The following MNAT1 variants were observed in gnomAD, a reference collection of about 807,000 sequenced individuals.
MNAT1 encodes CDK-activating kinase assembly factor MAT1.
A neutral mutation model predicts 42.0 loss-of-function variants in MNAT1; 43 were observed. That is an observed-to-expected ratio of 1.02 (90% CI 0.80 to 1.32). The LOEUF (loss-of-function observed/expected upper bound fraction) is 1.32. Ranked by LOEUF, MNAT1 falls within the 40% of genes most tolerant of loss-of-function variation. The probability of loss-of-function intolerance (pLI) is 0.00; values close to 1 mark genes in which losing one functional copy is unlikely to be tolerated. For synonymous variants in MNAT1, 118 were observed against 120.0 expected (o/e 0.98, Z 0.11); for missense variants, 306 against 350.4 (o/e 0.87, Z 1.01).
chr14:60,764,268 G>C (rs925990101), intron 1 of MNAT1, among the ~76,000 whole-genome samples: 2 of 152,124 alleles, frequency 1.3e-5, no homozygotes, highest in Admixed American at 1.3e-4. Context: ...AAAATAAAAG[G>C]GGTTATATAC....
intron 5 of MNAT1, among the ~76,000 whole-genome samples, chr14:60,815,405 T>A (rs1007184281): frequency 6.6e-6 from 1 of 152,084 alleles, no homozygotes; most frequent in Non-Finnish European, 1.5e-5. Flanking sequence ...TTGGTAGAGA[T>A]GGGGTTTCAC....
intron 7 of MNAT1, among the ~76,000 whole-genome samples, chr14:60,887,819 C>T (rs1307360392): frequency 6.6e-6 from 1 of 152,052 alleles, no homozygotes; most frequent in Non-Finnish European, 1.5e-5. Context: ...ACTACAAACA[C>T]CTCTATGCAA....
chr14:60,945,059 C>A (rs958438008), intron 7 of MNAT1, among the ~76,000 whole-genome samples: 1 of 152,146 alleles, frequency 6.6e-6, no homozygotes, highest in Non-Finnish European at 1.5e-5. Context: ...AATGTGAAGA[C>A]CTGAATCAGA....
At chr14:60,750,235 T>C (rs1372705270) in intron 1 of MNAT1, among the ~76,000 whole-genome samples, 7 of 151,808 alleles carry the variant, frequency 4.6e-5, no homozygotes, top group African/African-American at 1.7e-4. Flanking sequence ...TTCTTTCTTT[T>C]TTTTTTTTTG....
intron 6 of MNAT1, among the ~76,000 whole-genome samples, chr14:60,835,704 A>G (rs138918744): frequency 6.6e-6 from 1 of 151,938 alleles, no homozygotes; most frequent in South Asian, 2.1e-4. Context: ...TCTGATGATT[A>G]TGTGTTTTGG....
chr14:60,798,959 T>A (rs987836617), intron 3 of MNAT1, among the ~76,000 whole-genome samples: 1 of 152,138 alleles, frequency 6.6e-6, no homozygotes, highest in Admixed American at 6.5e-5. Context: ...CTATTAAAAA[T>A]AAGATTATAA....
At chr14:60,874,912 A>G (rs1388902258) in intron 6 of MNAT1, among the ~76,000 whole-genome samples, 1 of 152,172 alleles carries the variant, frequency 6.6e-6, no homozygotes, top group Non-Finnish European at 1.5e-5. Flanking sequence ...TTTAAAAAAC[A>G]TATCAATGAG....
intron 7 of MNAT1, among the ~76,000 whole-genome samples, chr14:60,896,941 A>C (rs1159424874): frequency 6.6e-6 from 1 of 152,128 alleles, no homozygotes; most frequent in African/African-American, 2.4e-5. Context: ...ACTCCAGCAG[A>C]TAAAGATAAT....
At chr14:60,916,915 T>G (rs372269847) in intron 7 of MNAT1, among the ~76,000 whole-genome samples, 72 of 152,300 alleles carry the variant, frequency 4.7e-4, no homozygotes, top group South Asian at 2.1e-3. Context: ...ATCCTGCCAC[T>G]GCATTCCAGC....
chr14:60,830,033 C>T lies in MNAT1; in HGVS notation c.687+11186C>T, dbSNP rs555474606. Among the ~76,000 whole-genome samples, 10 of 152,270 alleles carry T rather than the reference C, an allele frequency of 6.6e-5. No homozygotes were observed. In the South Asian group the frequency reaches 1.9e-3, roughly 28 times the overall value. On this transcript the variant is annotated intron_variant, in intron 6 of 7. Coordinates refer to ENST00000261245, the MANE Select transcript of MNAT1 (RefSeq NM_002431.4). ...AAGGAAGATGTGTTTCAATCAGTCT[C>T]TGAACATTAACTCACTTAATCGTGA...
intron 1 of MNAT1, among the ~76,000 whole-genome samples, chr14:60,750,032 C>T (rs2030002860): frequency 6.6e-6 from 1 of 152,088 alleles, no homozygotes; most frequent in Non-Finnish European, 1.5e-5. Flanking sequence ...GTACAGATTT[C>T]TGGGCCCTAC....
intron 7 of MNAT1, among the ~76,000 whole-genome samples, chr14:60,966,133 CTTT>C (rs577360114): frequency 6.9e-6 from 1 of 145,282 alleles, no homozygotes; most frequent in African/African-American, 2.5e-5. Context: ...GACTATTTTT[CTTT>C]TTTTTTTTTA....
intron 1 of MNAT1, among the ~76,000 whole-genome samples, chr14:60,741,811 A>C (rs1452741003): frequency 6.6e-6 from 1 of 151,826 alleles, no homozygotes; most frequent in African/African-American, 2.4e-5. Flanking sequence ...CCTGGCCCCC[A>C]TCCATTTACT....
intron 1 of MNAT1, among the ~76,000 whole-genome samples, chr14:60,795,155 G>A (rs531009363): frequency 5.9e-5 from 9 of 152,206 alleles, no homozygotes; most frequent in Non-Finnish European, 8.8e-5. Flanking sequence ...CAAAACATTC[G>A]AATATTTAAA....
At chr14:60,867,084 A>G (rs1481478452) in intron 6 of MNAT1, among the ~76,000 whole-genome samples, 1 of 152,078 alleles carries the variant, frequency 6.6e-6, no homozygotes, top group African/African-American at 2.4e-5. Context: ...TGCTAGAAAC[A>G]TTTTCAGAGA....
intron 3 of MNAT1, among the ~76,000 whole-genome samples, chr14:60,802,931 C>CTTTT (rs562133472): frequency 6.8e-5 from 9 of 133,322 alleles, no homozygotes; most frequent in African/African-American, 8.2e-5. Flanking sequence ...ATAAATAAAA[C>CTTTT]TTTTTTTTTT....
At chr14:60,804,260 A>G (rs2032297360) in intron 3 of MNAT1, among the ~76,000 whole-genome samples, 1 of 152,236 alleles carries the variant, frequency 6.6e-6, no homozygotes, top group Non-Finnish European at 1.5e-5. Flanking sequence ...TGATTGTTAT[A>G]GCAAATTAGC....
At position 60,778,027 on chromosome 14, in the gene MNAT1, G is replaced by A. The variant is rs149292852; in HGVS notation, c.90-18190G>A. ...AGGCAGACTTTGAAATCTGTGCTGGGTCTAACTTGGTGATAGTGGGTTTGT... is the reference window on the plus strand; with the variant it reads ...AGGCAGACTTTGAAATCTGTGCTGGATCTAACTTGGTGATAGTGGGTTTGT... On this transcript the variant is annotated intron_variant, in intron 1 of 7. Coordinates refer to ENST00000261245, the MANE Select transcript of MNAT1 (RefSeq NM_002431.4). Among the ~76,000 whole-genome samples, 4 of 152,270 alleles carry A rather than the reference G, an allele frequency of 2.6e-5. No individual in the cohort carries two copies. The East Asian group carries it at 5.8e-4, about 22-fold the overall frequency.
At chr14:60,905,493 A>G (rs1285748692) in intron 7 of MNAT1, among the ~76,000 whole-genome samples, 1 of 152,210 alleles carries the variant, frequency 6.6e-6, no homozygotes, top group South Asian at 2.1e-4. Context: ...ACATGATTAT[A>G]GAGGCTGAGA....
Sources: allele counts gnomAD v4.1 joint callset (sites outside exome capture counted in the v4.1 genomes callset), GRCh38; gene constraint gnomAD v4.1.1; transcripts MANE v1.5; gene names NCBI Gene and HGNC (gene_info 2026-07-23, HGNC 2026-07-21).